Variants in SLC9B2 observed in about 807,000 individuals in gnomAD.
The protein encoded by SLC9B2 is solute carrier family 9 member B2.
SLC9B2 carries 39 observed loss-of-function variants against 52.2 expected under a neutral mutation model. The ratio of observed to expected loss-of-function variants is 0.75; its 90% CI spans 0.58 to 0.98. The LOEUF is 0.98. SLC9B2 is among the 50% of genes least tolerant of loss of function. SLC9B2 has a pLI of 0.00. For synonymous variants in SLC9B2, 214 were observed against 227.0 expected (o/e 0.94, Z 0.51); for missense variants, 626 against 637.5 (o/e 0.98, Z 0.19).
downstream of SLC9B2, chr4:103,019,688 G>C: frequency 1.0e-6 from 1 of 985,546 alleles, no homozygotes; most frequent in Non-Finnish European, 1.2e-6. Context: ...CAGGTGGGCA[G>C]GGTGGTGACG....
At chr4:103,043,582 A>G (rs753379495) in intron 8 of SLC9B2, 137 bp from the exon 9 acceptor site, 23 of 732,940 alleles carry the variant, frequency 3.1e-5, no homozygotes, top group Non-Finnish European at 4.5e-5. Flanking sequence ...AGTGCACTAC[A>G]TAACATTTAC....
intron 7 of SLC9B2, among the ~76,000 whole-genome samples, chr4:103,046,758 A>AGTCTCCACACATCTTTTGTGTGAC (rs1744170596): frequency 6.6e-6 from 1 of 151,714 alleles, no homozygotes; most frequent in Non-Finnish European, 1.5e-5. Context: ...TTTTGTGTGA[A>AGTCTCCACACATCTTTTGTGTGAC]GCCTGAACGT....
At chr4:103,041,711 T>C (rs1401060865) in intron 9 of SLC9B2, among the ~76,000 whole-genome samples, 2 of 152,208 alleles carry the variant, frequency 1.3e-5, no homozygotes, top group Non-Finnish European at 2.9e-5. Flanking sequence ...TGGTAAGTGT[T>C]ACTCAAACAG....
In SLC9B2 at chr4:103,049,166, G is replaced by A. The variant is rs1744438830; in HGVS notation, c.586-146C>T. 3.3e-6 allele frequency: 3 copies of A among 915,964 alleles called. No homozygotes were observed. In the Admixed American group the frequency reaches 9.2e-5, roughly 28 times the overall value. The allele number at this position is 915,964 out of a possible 1,614,324, so 56.7% of individuals were successfully genotyped here. ...TGAGTTGTATTTAACAAACATTTTAGCACTCCAAGTGTTTTCAGACAGCTT... is the reference window on the plus strand; with the variant it reads ...TGAGTTGTATTTAACAAACATTTTAACACTCCAAGTGTTTTCAGACAGCTT... On this transcript the variant is annotated intron_variant, in intron 5 of 11. Transcript: ENST00000394785.
intron 4 of SLC9B2, among the ~76,000 whole-genome samples, chr4:103,057,283 CACACACATATAT>C (rs1419965687): frequency 3.9e-4 from 57 of 145,538 alleles, no homozygotes; most frequent in African/African-American, 1.4e-3. Context: ...TACACACACA[CACACACATATAT>C]ACACACACAC....
intron 2 of SLC9B2, among the ~76,000 whole-genome samples, chr4:103,067,076 T>A (rs1008926166): frequency 6.6e-6 from 1 of 151,996 alleles, no homozygotes; most frequent in Non-Finnish European, 1.5e-5. Flanking sequence ...TTGGGTCACA[T>A]AACATTTTAT....
intron 1 of SLC9B2, among the ~76,000 whole-genome samples, chr4:103,073,841 C>T (rs76736865): frequency 5.3e-4 from 81 of 152,290 alleles, no homozygotes; most frequent in African/African-American, 1.9e-3. Flanking sequence ...CGAATCTACC[C>T]CAAGTGGGAC....
At chr4:103,048,341 T>A (rs1008807265) in intron 6 of SLC9B2, among the ~76,000 whole-genome samples, 2 of 152,110 alleles carry the variant, frequency 1.3e-5, no homozygotes, top group Non-Finnish European at 2.9e-5. Flanking sequence ...ACCGGAAAAA[T>A]CACAAGGCTG....
intron 9 of SLC9B2, among the ~76,000 whole-genome samples, chr4:103,036,319 C>T (rs968714085): frequency 6.6e-6 from 1 of 152,102 alleles, no homozygotes; most frequent in South Asian, 2.1e-4. Context: ...GGGAGCTAAA[C>T]AGTGAGTCCA....
At chr4:103,067,222 T>C (rs917073058) in intron 2 of SLC9B2, among the ~76,000 whole-genome samples, 2 of 152,180 alleles carry the variant, frequency 1.3e-5, no homozygotes, top group African/African-American at 4.8e-5. Flanking sequence ...ATTAATCTAC[T>C]TGAATTTAAA....
intron 10 of SLC9B2, 146 bp from the exon 11 acceptor site, chr4:103,029,029 T>C (rs538291431): frequency 1.4e-6 from 1 of 700,488 alleles, no homozygotes; most frequent in Non-Finnish European, 2.2e-6. Context: ...GAAGAATATA[T>C]AAAAACAATC....
At chr4:103,067,109 T>C (rs1746206812) in intron 2 of SLC9B2, among the ~76,000 whole-genome samples, 1 of 152,154 alleles carries the variant, frequency 6.6e-6, no homozygotes, top group Admixed American at 6.5e-5. Context: ...TACTGGGTTT[T>C]AAAATAAGCA....
chr4:103,029,196 GAATT>G (rs1308145580), intron 10 of SLC9B2, among the ~76,000 whole-genome samples: 1 of 152,016 alleles, frequency 6.6e-6, no homozygotes, highest in East Asian at 1.9e-4. Context: ...TGTGTAAGAA[GAATT>G]TATTAAATGA....
At chr4:103,034,691 C>T (rs1743008933) in intron 9 of SLC9B2, among the ~76,000 whole-genome samples, 1 of 152,080 alleles carries the variant, frequency 6.6e-6, no homozygotes, top group Non-Finnish European at 1.5e-5. Context: ...AGCCAACAAG[C>T]ATATAAAAAT....
chr4:103,047,590 T>C (rs1485862636), intron 6 of SLC9B2, among the ~76,000 whole-genome samples: 1 of 123,758 alleles, frequency 8.1e-6, no homozygotes, highest in Non-Finnish European at 1.6e-5. Flanking sequence ...TTCCCCTTCC[T>C]GTGTCCATGT....
chr4:103,034,517 C>T (rs1742992761), intron 9 of SLC9B2, among the ~76,000 whole-genome samples: 1 of 152,148 alleles, frequency 6.6e-6, no homozygotes, highest in Admixed American at 6.6e-5. Flanking sequence ...AAACAGACAA[C>T]CTTTAGAACA....
At chr4:103,044,676 T>C (rs1268881286) in intron 8 of SLC9B2, among the ~76,000 whole-genome samples, 1 of 152,242 alleles carries the variant, frequency 6.6e-6, no homozygotes, top group African/African-American at 2.4e-5. Context: ...ATTTGAAATG[T>C]ACAGAATATA....
intron 11 of SLC9B2, among the ~76,000 whole-genome samples, chr4:103,028,384 A>G (rs1400946449): frequency 6.6e-6 from 1 of 152,074 alleles, no homozygotes; most frequent in African/African-American, 2.4e-5. Flanking sequence ...TGTTATTTCT[A>G]TTTTACTCTC....
At position 103,047,033 on chromosome 4, in the gene SLC9B2, G is replaced by A; in HGVS notation, c.889+18C>T. On this transcript the variant is annotated intron_variant, in intron 7 of 11. Transcript: ENST00000394785. ...CTAGAATGCAAGAGTAAAGCCTGTTGTGAACTGATTAGGTTACCTGTGGAA... is the reference window on the plus strand; with the variant it reads ...CTAGAATGCAAGAGTAAAGCCTGTTATGAACTGATTAGGTTACCTGTGGAA... The A allele has an allele frequency of 2.5e-6, 4 of 1,612,172 alleles. No individual in the cohort carries two copies. The highest frequency in any genetic ancestry group is 3.4e-6 in the Non-Finnish European group (4 of 1,178,738).
Sources: allele counts gnomAD v4.1 joint callset (sites outside exome capture counted in the v4.1 genomes callset), GRCh38; gene constraint gnomAD v4.1.1; transcripts MANE v1.5; gene names NCBI Gene and HGNC (gene_info 2026-07-23, HGNC 2026-07-21).